The following COBLL1 variants were observed in gnomAD, a reference collection of about 807,000 sequenced individuals.
COBLL1 encodes cordon-bleu WH2 repeat protein like 1.
In COBLL1, 50 loss-of-function variants were observed where a neutral mutation model predicts 94.8. That is an observed-to-expected ratio of 0.53 (90% CI 0.42 to 0.67). The LOEUF is 0.67. Ranked by LOEUF, COBLL1 falls within the 30% of genes least tolerant of loss-of-function variation. The pLI is 0.00. For missense variants in COBLL1, 1,362 were observed against 1,348.7 expected (o/e 1.01, Z -0.15); for synonymous variants, 448 against 473.8 (o/e 0.95, Z 0.71).
chr2:164,671,707 T>G (rs1161486523), intron 1 of COBLL1, among the ~76,000 whole-genome samples: 1 of 152,136 alleles, frequency 6.6e-6, no homozygotes, highest in Non-Finnish European at 1.5e-5. Context: ...AATCGGTTAC[T>G]GAAGCACGTT....
At chr2:164,739,114 A>G (rs573712599) in intron 3 of COBLL1, among the ~76,000 whole-genome samples, 2 of 152,306 alleles carry the variant, frequency 1.3e-5, no homozygotes, top group South Asian at 4.1e-4. Context: ...AGAGCCTCAC[A>G]AAGGCAAGAT....
chr2:164,749,597 G>T (rs398285), intron 2 of COBLL1, among the ~76,000 whole-genome samples: 1,787 of 152,238 alleles, frequency 0.012, 28 homozygotes, highest in African/African-American at 0.041. Context: ...AACAACAGAA[G>T]AATTTTTTAA....
chr2:164,746,012 T>C (rs986611021), intron 2 of COBLL1, among the ~76,000 whole-genome samples: 1 of 152,148 alleles, frequency 6.6e-6, no homozygotes, highest in African/African-American at 2.4e-5. Flanking sequence ...AAAGAAAAAG[T>C]AACTTTGGTA....
rs189587426 is a variant in COBLL1 at position 164,828,973 on chromosome 2, G to A, written c.41+12183C>T. Reference sequence around the variant, plus strand: ...CACTGATTGCCTCTGTGAAGGAAGTGGGTGACAGGAACCAAGATGCTAGAA... The same window carrying A: ...CACTGATTGCCTCTGTGAAGGAAGTAGGTGACAGGAACCAAGATGCTAGAA... On this transcript the variant is annotated intron_variant, in intron 2 of 13. Coordinates refer to ENST00000652658, the MANE Select transcript of COBLL1 (RefSeq NM_001365672.2). 3.8e-3 allele frequency among the ~76,000 whole-genome samples: 578 copies of A among 152,246 alleles called. 4 individuals carry two copies. The highest frequency in any genetic ancestry group is 4.3e-3 in the Non-Finnish European group (291 of 68,020).
chr2:164,804,221 G>A (rs1349309975), intron 2 of COBLL1, among the ~76,000 whole-genome samples: 1 of 151,892 alleles, frequency 6.6e-6, no homozygotes, highest in Non-Finnish European at 1.5e-5. Context: ...AGGAAAGTAA[G>A]ACCAGAGACA....
intron 2 of COBLL1, chr2:164,837,278 C>A: frequency 3.8e-6 from 1 of 263,372 alleles, no homozygotes; most frequent in Non-Finnish European, 8.0e-6. Context: ...AAGTAAAGAA[C>A]ATAAGCACTA....
chr2:164,722,484 CCTT>C lies in COBLL1; in HGVS notation c.697_699del (p.Lys233del). The stretch of plus-strand genomic sequence containing the variant: ...CTGAAAAACCCTTTATTTTCTTTCT[CCTT>C]CATAATATCTAGGTTTTGTGATATT... On this transcript the variant is annotated inframe_deletion, in exon 6 of 14. Coordinates refer to ENST00000652658, the MANE Select transcript of COBLL1 (RefSeq NM_001365672.2). 1 of 1,524,180 alleles carries C rather than the reference CCTT, an allele frequency of 6.6e-7. No individual in the cohort carries two copies. Among genetic ancestry groups the C allele is most frequent in the Non-Finnish European group, 8.8e-7 (1 of 1,139,144 alleles). The allele number at this position is 1,524,180 out of a possible 1,614,324, so 94.4% of individuals were successfully genotyped here. A position where few individuals can be genotyped will look rare whatever the true frequency, so the allele number is the denominator to read the frequency against.
At chr2:164,788,030 C>G (rs1682964362) in intron 2 of COBLL1, among the ~76,000 whole-genome samples, 1 of 152,152 alleles carries the variant, frequency 6.6e-6, no homozygotes, top group African/African-American at 2.4e-5. Context: ...CCGTTTCATA[C>G]TTTTTGCACA....
intron 2 of COBLL1, among the ~76,000 whole-genome samples, chr2:164,815,727 G>GA (rs1464961493): frequency 3.3e-5 from 5 of 152,006 alleles, no homozygotes. Flanking sequence ...TATCCTAATT[G>GA]GTTAAAGATC....
intron 2 of COBLL1, among the ~76,000 whole-genome samples, chr2:164,840,179 G>A (rs1351699351): frequency 6.6e-6 from 1 of 152,158 alleles, no homozygotes; most frequent in East Asian, 1.9e-4. Context: ...TAGTGACAAC[G>A]TCGATTTTTC....
At chr2:164,675,820 C>G (rs955185143), downstream of COBLL1, among the ~76,000 whole-genome samples, 4 of 152,084 alleles carry the variant, frequency 2.6e-5, no homozygotes, top group Non-Finnish European at 4.4e-5. Flanking sequence ...TGGGACTCAC[C>G]CTTTAAATTG....
At chr2:164,812,727 A>G (rs1684517793) in intron 2 of COBLL1, among the ~76,000 whole-genome samples, 1 of 152,106 alleles carries the variant, frequency 6.6e-6, no homozygotes. Flanking sequence ...CCTAGCATAT[A>G]TTAGAGTACG....
At chr2:164,726,322 T>C (rs1685722203) in intron 5 of COBLL1, among the ~76,000 whole-genome samples, 1 of 152,120 alleles carries the variant, frequency 6.6e-6, no homozygotes, top group Non-Finnish European at 1.5e-5. Flanking sequence ...TAACACATAA[T>C]ATATGCAGTT....
chr2:164,796,877 A>G (rs1202760615), intron 2 of COBLL1, among the ~76,000 whole-genome samples: 3 of 152,084 alleles, frequency 2.0e-5, no homozygotes, highest in Admixed American at 6.6e-5. Context: ...AGGGAGGCTG[A>G]GGCAGGAGGA....
intron 2 of COBLL1, among the ~76,000 whole-genome samples, chr2:164,801,235 C>A (rs1233214779): frequency 6.6e-6 from 1 of 151,192 alleles, no homozygotes. Flanking sequence ...GTCAGGAGAT[C>A]GAGACCATCC....
chr2:164,682,341 A>C lies in COBLL1; in HGVS notation c.*3605T>G, dbSNP rs1054840280. On this transcript the variant is annotated 3_prime_UTR_variant, in exon 14 of 14. Transcript: ENST00000652658. ...TCAGTTATCAAAATCAGTAGATTTTAAAAATGATGAGTTTGATTCTTAGTT... is the reference window on the plus strand; with the variant it reads ...TCAGTTATCAAAATCAGTAGATTTTCAAAATGATGAGTTTGATTCTTAGTT... 1.3e-5 allele frequency: 2 copies of C among 152,234 alleles called. No individual in the cohort carries two copies. Among genetic ancestry groups the C allele is most frequent in the African/African-American group, 4.8e-5 (2 of 41,474 alleles). The allele number at this position is 152,234 out of a possible 1,614,324, so 9.4% of individuals were successfully genotyped here. A position where few individuals can be genotyped will look rare whatever the true frequency, so the allele number is the denominator to read the frequency against.
intron 2 of COBLL1, among the ~76,000 whole-genome samples, chr2:164,660,290 G>A (rs957776714): frequency 3.3e-5 from 5 of 152,256 alleles, no homozygotes; most frequent in Admixed American, 1.3e-4. Flanking sequence ...TTTTAATGCC[G>A]TAAGTAAACA....
At chr2:164,767,326 ATAGTT>A (rs1687983267) in intron 2 of COBLL1, among the ~76,000 whole-genome samples, 1 of 152,222 alleles carries the variant, frequency 6.6e-6, no homozygotes. Flanking sequence ...CTTATGGAAA[ATAGTT>A]TAGGATTAAT....
At chr2:164,783,290 G>A (rs2105279521) in intron 2 of COBLL1, among the ~76,000 whole-genome samples, 1 of 152,294 alleles carries the variant, frequency 6.6e-6, no homozygotes, top group Admixed American at 6.5e-5. Context: ...ACACGTGCTT[G>A]TGGTCCCAGC....
Sources: allele counts gnomAD v4.1 joint callset (sites outside exome capture counted in the v4.1 genomes callset), GRCh38; gene constraint gnomAD v4.1.1; transcripts MANE v1.5; gene names NCBI Gene and HGNC (gene_info 2026-07-23, HGNC 2026-07-21).